PAPLN: variants seen among roughly 807,000 people sequenced by gnomAD.
PAPLN encodes papilin.
A neutral mutation model predicts 159.0 loss-of-function variants in PAPLN; 146 were observed. That is an observed-to-expected ratio of 0.92 (90% confidence interval 0.80 to 1.05). The LOEUF (loss-of-function observed/expected upper bound fraction) is 1.05, where lower values mean the gene tolerates loss of function less well. Among genes scored for constraint, PAPLN ranks in the 50% least tolerant of loss-of-function variants. The pLI is 0.00. For synonymous variants in PAPLN, 734 were observed against 702.9 expected (o/e 1.04, Z -0.70); for missense variants, 1,720 against 1,743.9 (o/e 0.99, Z 0.24).
At position 73,266,839 on chromosome 14, in the gene PAPLN, C is replaced by T. The variant is rs1190217910; in HGVS notation, c.3500+8C>T. The T allele has an allele frequency of 1.2e-6, 2 of 1,603,872 alleles. No individual in the cohort carries two copies. The highest frequency in any genetic ancestry group is 1.7e-6 in the Non-Finnish European group (2 of 1,174,874). On this transcript the variant is annotated splice_region_variant and intron_variant, in intron 25 of 26. Transcript: ENST00000644200. ...GAACATCAGGTGGTCCAGGTAAAGG[C>T]TCTATTCCAAGTTGTCCCTGTCCCC...
intron 1 of PAPLN, 59 bp downstream of exon 1, chr14:73,237,651 C>T (rs961579182): frequency 3.3e-5 from 5 of 152,196 alleles, no homozygotes; most frequent in African/African-American, 9.7e-5. Context: ...CCCCGCACCC[C>T]GGGGCTTCTG....
At position 73,273,939 on chromosome 14, in the gene PAPLN, G is replaced by T. The variant is rs571013136; in HGVS notation, c.*1275G>T. 1 of 152,310 alleles carries T rather than the reference G, an allele frequency of 6.6e-6. No individual in the cohort carries two copies. The highest frequency in any genetic ancestry group is 2.1e-4 in the South Asian group (1 of 4,826). 9.4% of individuals were successfully genotyped at this position (152,310 alleles called of 1,614,324 possible). Reference sequence around the variant, plus strand: ...TGAAAGAACTGGAAACGCTCCTTACGTCGAGATGTTGGACCTTGAAGCCCT... The same window carrying T: ...TGAAAGAACTGGAAACGCTCCTTACTTCGAGATGTTGGACCTTGAAGCCCT... On this transcript the variant is annotated 3_prime_UTR_variant, in exon 27 of 27. Coordinates refer to ENST00000644200, the MANE Select transcript of PAPLN (RefSeq NM_001365906.3).
At chr14:73,253,203 G>A (rs775236834) in intron 11 of PAPLN, 2 of 1,360,246 alleles carry the variant, frequency 1.5e-6, no homozygotes, top group Non-Finnish European at 1.9e-6. Flanking sequence ...GCCTTGCTGG[G>A]GCCCAGCGAG....
At chr14:73,249,455 C>T (rs1043296360) in intron 5 of PAPLN, among the ~76,000 whole-genome samples, 2 of 152,136 alleles carry the variant, frequency 1.3e-5, no homozygotes, top group Non-Finnish European at 2.9e-5. Context: ...AGGTGGATCA[C>T]CTGAGGTCAG....
intron 12 of PAPLN, 146 bp from the exon 13 acceptor site, chr14:73,254,367 G>C: frequency 1.0e-6 from 1 of 958,168 alleles, no homozygotes; most frequent in Non-Finnish European, 1.6e-6. Flanking sequence ...CCTCAGGGGA[G>C]TGAGTCAGCC....
rs1284557509 is a variant in PAPLN, at chr14:73,272,996, T to C, written c.*332T>C. On this transcript the variant is annotated 3_prime_UTR_variant, in exon 27 of 27. Coordinates refer to ENST00000644200, the MANE Select transcript of PAPLN (RefSeq NM_001365906.3). ...GTTAAATGCATTTGTTTGTTTGTTT[T>C]TTGAGACAGAGTTTCACTCTTGTTG... 1 of 182,804 alleles carries C rather than the reference T, an allele frequency of 5.5e-6. No individual in the cohort carries two copies. The highest frequency in any genetic ancestry group is 2.3e-5 in the African/African-American group (1 of 42,866). 11.3% of individuals were successfully genotyped at this position (182,804 alleles called of 1,614,324 possible). A position where few individuals can be genotyped will look rare whatever the true frequency, so the allele number is the denominator to read the frequency against.
chr14:73,267,590 A>G (rs7160902), intron 25 of PAPLN, among the ~76,000 whole-genome samples: 113 of 152,378 alleles, frequency 7.4e-4, no homozygotes, highest in African/African-American at 2.6e-3. Context: ...CAAGTGCCAA[A>G]GGTGGGCATT....
At chr14:73,238,581 C>G (rs929494785) in intron 1 of PAPLN, among the ~76,000 whole-genome samples, 1 of 152,272 alleles carries the variant, frequency 6.6e-6, no homozygotes, top group African/African-American at 2.4e-5. Context: ...CCTCGCCCGC[C>G]CTAGCAGGCC....
In PAPLN at chr14:73,253,813, G is replaced by T; in HGVS notation, c.1154G>T (p.Arg385Leu). The change falls in exon 12 of 27, where the codon CGC becomes CTC. Residue 385 changes from arginine (R) to leucine (L), a missense_variant. Arg to Leu is a moderately radical substitution (Grantham distance 102). Coordinates refer to ENST00000644200, the MANE Select transcript of PAPLN (RefSeq NM_001365906.3). ...TCCTGTGGAGGAGGCTCCCAGTCCC[G>T]CTCCGTGTACTGCATCTCGTCTGAC... ...SASCGGGSQSRSVYCISSDGA... is the reference protein window; with the variant it reads ...SASCGGGSQSLSVYCISSDGA... 1 of 1,613,438 alleles carries T rather than the reference G, an allele frequency of 6.2e-7. No individual in the cohort carries two copies. Among genetic ancestry groups the T allele is most frequent in the Non-Finnish European group, 8.5e-7 (1 of 1,179,790 alleles).
rs1887856998 is a variant in PAPLN, at chr14:73,272,818, A to G, written c.*154A>G. The G allele has an allele frequency of 4.1e-6, 3 of 731,522 alleles. No individual in the cohort carries two copies. Among genetic ancestry groups the G allele is most frequent in the Non-Finnish European group, 5.8e-6 (3 of 515,482 alleles). 45.3% of individuals were successfully genotyped at this position (731,522 alleles called of 1,614,324 possible). A position where few individuals can be genotyped will look rare whatever the true frequency, so the allele number is the denominator to read the frequency against. Reference sequence around the variant, plus strand: ...AAAACCCACCCAGTGTTTAGCCTCAACGGCAGCCAGTTACCAGCTTCTCTC... The same window carrying G: ...AAAACCCACCCAGTGTTTAGCCTCAGCGGCAGCCAGTTACCAGCTTCTCTC... On this transcript the variant is annotated 3_prime_UTR_variant, in exon 27 of 27. Transcript: ENST00000644200.
At chr14:73,253,013 C>A in intron 11 of PAPLN, 3 of 1,052,958 alleles carry the variant, frequency 2.8e-6, no homozygotes, top group Non-Finnish European at 4.1e-6. Context: ...AACACCTAGG[C>A]TTGGTGGCAG....
intron 14 of PAPLN, among the ~76,000 whole-genome samples, chr14:73,258,185 T>G (rs902777584): frequency 6.6e-6 from 1 of 152,220 alleles, no homozygotes; most frequent in African/African-American, 2.4e-5. Context: ...TGGTGGTATT[T>G]AGCGCATTAT....
intron 16 of PAPLN, 113 bp from the exon 17 acceptor site, chr14:73,260,596 C>G (rs1026994854): frequency 3.8e-6 from 5 of 1,316,338 alleles, no homozygotes; most frequent in Non-Finnish European, 3.9e-6. Context: ...CCTCTCCCCC[C>G]CAGGTCCCCA....
At chr14:73,254,772 G>C in intron 13 of PAPLN, 77 bp downstream of exon 13, 1 of 1,591,712 alleles carries the variant, frequency 6.3e-7, no homozygotes, top group Non-Finnish European at 8.6e-7. Context: ...GCCGTCCTTG[G>C]ACCTGACACG....
At position 73,261,085 on chromosome 14, in the gene PAPLN, C is replaced by T. The variant is rs536647536; in HGVS notation, c.2107-71C>T. 162 of 1,610,254 alleles carry T rather than the reference C, an allele frequency of 1.0e-4. 1 individual carries two copies. The highest frequency in any genetic ancestry group is 9.5e-4 in the African/African-American group (71 of 74,988). ...GGCCCCTCCTTCCTGCCATCCTCCC[C>T]GTGGCAGCCCAGAGTCCCCAACAAT... On this transcript the variant is annotated intron_variant, in intron 17 of 26. Transcript: ENST00000644200.
chr14:73,254,929 T>C lies in PAPLN; in HGVS notation c.1538T>C (p.Ile513Thr), dbSNP rs1187105685. The C allele has an allele frequency of 6.8e-6, 11 of 1,613,310 alleles. No individual in the cohort carries two copies. The highest frequency in any genetic ancestry group is 2.7e-5 in the African/African-American group (2 of 74,904). ...GTRRRQVICA[I>T]GPPSHCGSLQ... ...CGGAGGCGACAGGTCATCTGTGCCA[T>C]TGGGCCGCCCAGCCACTGCGGGAGC... is the stretch of plus-strand genomic sequence containing the variant. Residue 513 changes from isoleucine to threonine, a missense_variant, in exon 14 of 27, where the codon ATT becomes ACT. Coordinates refer to ENST00000644200, the MANE Select transcript of PAPLN (RefSeq NM_001365906.3).
chr14:73,239,778 G>C lies in PAPLN; in HGVS notation c.-1G>C, dbSNP rs1436554780. 1.3e-6 allele frequency: 2 copies of C among 1,592,134 alleles called. No homozygotes were observed. Among genetic ancestry groups the C allele is most frequent in the African/African-American group, 1.3e-5 (1 of 74,728 alleles). On this transcript the variant is annotated 5_prime_UTR_variant, in exon 2 of 27. Coordinates refer to ENST00000644200, the MANE Select transcript of PAPLN (RefSeq NM_001365906.3). ...ACCCAATGCGTCTCCCGCAGGCTGA[G>C]ATGCGGCTGCTCCTGCTCGTGCCGC...
In PAPLN at chr14:73,252,086, C is replaced by G; in HGVS notation, c.912C>G (p.Pro304=). Residue 304 remains proline (P), a synonymous_variant, in exon 10 of 27, where the codon CCC becomes CCG. Transcript: ENST00000644200. ...ACCTGCCCCTGCGCCGCCCCAGCCC[C>G]GGCTTCAGCTGGAGCCACGGCTCAT... The part of the protein sequence containing the change: ...EYHLPLRRPS[P]GFSWSHGSWS... 1.9e-6 allele frequency: 3 copies of G among 1,611,214 alleles called. No individual in the cohort carries two copies. The highest frequency in any genetic ancestry group is 2.5e-6 in the Non-Finnish European group (3 of 1,179,016).
chr14:73,239,924 G>A (rs929275039), intron 2 of PAPLN, 92 bp downstream of exon 2: 9 of 1,464,544 alleles, frequency 6.1e-6, no homozygotes, highest in Non-Finnish European at 7.2e-6. Context: ...CCCAGGAAAG[G>A]GGCGATGTCA....
Sources: gnomAD v4.1 joint callset for allele counts (sites outside exome capture counted in the v4.1 genomes callset) on GRCh38, gnomAD v4.1.1 for gene constraint, MANE v1.5 for transcripts, NCBI Gene and HGNC (gene_info 2026-07-23, HGNC 2026-07-21) for gene names.